ATP2B4: variants seen among roughly 807,000 people sequenced by gnomAD.
ATP2B4 encodes the protein plasma membrane calcium-transporting ATPase 4.
A neutral mutation model predicts 110.3 loss-of-function variants in ATP2B4; 39 were observed. That is an observed-to-expected ratio of 0.35 (90% CI 0.27 to 0.46). The LOEUF is 0.46. Among genes scored for constraint, ATP2B4 ranks in the 20% least tolerant of loss-of-function variants. The pLI, the probability that ATP2B4 is intolerant of heterozygous loss-of-function variation, is 1.00. For synonymous variants in ATP2B4, 538 were observed against 571.7 expected, an observed-to-expected ratio of 0.94 and a Z score of 0.84; for missense variants, 1,135 against 1,530.9, an observed-to-expected ratio of 0.74 and a Z score of 4.32.
rs748398150 is a variant in ATP2B4, at chr1:203,721,306, G to T, written c.2708G>T (p.Arg903Leu). The change falls in exon 17 of 21, where the codon CGC becomes CTC. Residue 903 changes from arginine (R) to leucine (L), a missense_variant. By Grantham distance (102) the Arg-to-Leu change is moderately radical. Around this residue, in one of 9 missense-constraint regions of ATP2B4, gnomAD observed 155 missense variants for 186.2 expected, o/e 0.83. Coordinates refer to ENST00000357681, the MANE Select transcript of ATP2B4 (RefSeq NM_001684.5). ...EPPTESLLKR[R>L]PYGRNKPLIS... ...CCTACGGAATCTCTGTTGAAGCGGCGCCCCTATGGCCGAAATAAGCCTCTG... is the reference window on the plus strand; with the variant it reads ...CCTACGGAATCTCTGTTGAAGCGGCTCCCCTATGGCCGAAATAAGCCTCTG... 6.2e-7 allele frequency: 1 copy of T among 1,614,048 alleles called. No homozygotes were observed. Among genetic ancestry groups the T allele is most frequent in the Admixed American group, 1.7e-5 (1 of 60,006 alleles).
chr1:203,658,391 C>CATGATG (rs1313248605), intron 1 of ATP2B4, among the ~76,000 whole-genome samples: 2 of 149,960 alleles, frequency 1.3e-5, no homozygotes, highest in Non-Finnish European at 3.0e-5. Flanking sequence ...AAAAGCCTGG[C>CATGATG]ATGATGATGC....
chr1:203,701,120 C>G (rs1055590892), intron 6 of ATP2B4, among the ~76,000 whole-genome samples, 197 bp downstream of exon 6: 4 of 151,816 alleles, frequency 2.6e-5, no homozygotes, highest in African/African-American at 9.7e-5. Context: ...GATCCTGGCT[C>G]TAGGCTCCCA....
intron 1 of ATP2B4, among the ~76,000 whole-genome samples, chr1:203,679,045 A>C (rs10900582): frequency 0.99 from 150,781 of 152,248 alleles, 74,684 homozygotes; most frequent in Middle Eastern, 1. Flanking sequence ...TGAGAGAGTT[A>C]GCTCTTCTAT....
chr1:203,682,161 C>T (rs962713481), intron 1 of ATP2B4, among the ~76,000 whole-genome samples: 4 of 152,136 alleles, frequency 2.6e-5, no homozygotes, highest in Non-Finnish European at 5.9e-5. Flanking sequence ...CATTTCCATA[C>T]ACCTGGAGGC....
intron 15 of ATP2B4, among the ~76,000 whole-genome samples, chr1:203,719,070 A>T (rs974736401): frequency 1.6e-4 from 25 of 151,976 alleles, no homozygotes; most frequent in Admixed American, 1.4e-3. Context: ...TAAAAAAAAT[A>T]AAAAATTAGC....
At chr1:203,657,120 A>G in intron 1 of ATP2B4, 2 of 821,856 alleles carry the variant, frequency 2.4e-6, no homozygotes, top group African/African-American at 1.7e-5. Flanking sequence ...TAACACCCAC[A>G]GTTGTATACG....
rs986817139 is a variant in ATP2B4, at chr1:203,739,638, T to G, written c.3402T>G (p.Pro1134=). ...QKSIHSFMTH[P]EFAIEEELPR... ...CCATCCACAGCTTCATGACCCACCC[T>G]GAATTCGCCATAGAGGAGGAGTTGC... Residue 1134 remains proline, a synonymous_variant, in exon 21 of 21, where the codon CCT becomes CCG. Transcript: ENST00000357681. 1.9e-6 allele frequency: 3 copies of G among 1,614,050 alleles called. No individual in the cohort carries two copies. The highest frequency in any genetic ancestry group is 2.5e-6 in the Non-Finnish European group (3 of 1,180,038).
intron 2 of ATP2B4, among the ~76,000 whole-genome samples, chr1:203,685,848 A>G (rs746825865): frequency 1.3e-5 from 2 of 152,218 alleles, no homozygotes; most frequent in East Asian, 1.9e-4. Flanking sequence ...TAGGTGTTCA[A>G]TAGATTAGTT....
chr1:203,676,884 C>T (rs1410194083), intron 1 of ATP2B4, among the ~76,000 whole-genome samples: 1 of 152,144 alleles, frequency 6.6e-6, no homozygotes, highest in African/African-American at 2.4e-5. Flanking sequence ...GAGTCTATCC[C>T]TATGCCTTCC....
rs1295299179 is a variant in ATP2B4 at position 203,626,922 on chromosome 1, A to G, written c.-762A>G. ...AAAGCTGGGGGCTGGGAGGGGGGGCACGAACTTCGTGGGGCACCATCCCTC... is the reference window on the plus strand; with the variant it reads ...AAAGCTGGGGGCTGGGAGGGGGGGCGCGAACTTCGTGGGGCACCATCCCTC... On this transcript the variant is annotated 5_prime_UTR_variant, in exon 1 of 21. Transcript: ENST00000357681. The G allele has an allele frequency of 1.3e-5, 2 of 152,372 alleles. No individual in the cohort carries two copies. Among genetic ancestry groups the G allele is most frequent in the African/African-American group, 4.8e-5 (2 of 41,472 alleles). The allele number at this position is 152,372 out of a possible 1,614,324, so 9.4% of individuals were successfully genotyped here. A position where few individuals can be genotyped will look rare whatever the true frequency, so the allele number is the denominator to read the frequency against.
At chr1:203,708,160 T>C in intron 10 of ATP2B4, 56 bp downstream of exon 10, 1 of 1,603,576 alleles carries the variant, frequency 6.2e-7, no homozygotes, top group South Asian at 1.1e-5. Context: ...GGAACATCCA[T>C]TTTCTCTGAA....
rs1666063908 is a variant in ATP2B4 at position 203,713,245 on chromosome 1, G to A, written c.2292G>A (p.Leu764=). The part of the protein sequence containing the change: ...ARSSPTDKHT[L]VKGIIDSTVG... The stretch of plus-strand genomic sequence containing the variant: ...CTTCTCCCACTGACAAGCACACCCT[G>A]GTGAAAGGTGAGGTTGGCTTCCAAA... The change falls in exon 14 of 21, where the codon CTG becomes CTA. Residue 764 remains leucine, a synonymous_variant. Transcript: ENST00000357681. 2 of 1,613,996 alleles carry A rather than the reference G, an allele frequency of 1.2e-6. No homozygotes were observed. The highest frequency in any genetic ancestry group is 1.1e-5 in the South Asian group (1 of 91,082).
chr1:203,638,048 T>C (rs1663511323), intron 1 of ATP2B4, among the ~76,000 whole-genome samples: 1 of 151,810 alleles, frequency 6.6e-6, no homozygotes, highest in East Asian at 1.9e-4. Context: ...TTGGCAGGGC[T>C]CAACTGGAAA....
intron 3 of ATP2B4, 70 bp downstream of exon 3, chr1:203,698,424 T>C: frequency 6.7e-7 from 1 of 1,491,700 alleles, no homozygotes; most frequent in Non-Finnish European, 9.3e-7. Flanking sequence ...AAGCGCTTAG[T>C]ATTGGTGGCT....
At position 203,699,473 on chromosome 1, in the gene ATP2B4, C is replaced by T. The variant is rs1292364319; in HGVS notation, c.405C>T (p.Val135=). The T allele has an allele frequency of 5.0e-6, 8 of 1,614,094 alleles. No homozygotes were observed. In the East Asian group the frequency reaches 1.3e-4, roughly 27 times the overall value. Residue 135 remains valine, a synonymous_variant, in exon 4 of 21, where the codon GTC becomes GTT. Transcript: ENST00000357681. ...AGEENELCGQ[V]ATTPEDENEA... Reference sequence around the variant, plus strand: ...TTCCTGGGATAGTGTGTGGTCAAGTCGCAACTACCCCAGAAGATGAAAATG... The same window carrying T: ...TTCCTGGGATAGTGTGTGGTCAAGTTGCAACTACCCCAGAAGATGAAAATG...
chr1:203,733,704 C>T (rs942230723), intron 20 of ATP2B4: 4 of 325,652 alleles, frequency 1.2e-5, no homozygotes, highest in Non-Finnish European at 1.1e-5. Flanking sequence ...TTTTGCTTTG[C>T]CTTTTTTGTT....
chr1:203,719,454 A>G (rs1461349633), intron 15 of ATP2B4, among the ~76,000 whole-genome samples: 2 of 151,984 alleles, frequency 1.3e-5, no homozygotes, highest in African/African-American at 4.8e-5. Flanking sequence ...ACATGACTAT[A>G]ATCCCAGCAC....
intron 2 of ATP2B4, among the ~76,000 whole-genome samples, chr1:203,695,167 T>C (rs1665496132): frequency 6.6e-6 from 1 of 152,208 alleles, no homozygotes; most frequent in Admixed American, 6.5e-5. Context: ...CTTTACATTG[T>C]GAATCCTGCT....
At chr1:203,713,574 C>T (rs530983661) in intron 14 of ATP2B4, among the ~76,000 whole-genome samples, 2 of 152,242 alleles carry the variant, frequency 1.3e-5, no homozygotes, top group Non-Finnish European at 1.5e-5. Context: ...AAGTGATTCT[C>T]CTGCCTCAGC....
Sources: allele counts gnomAD v4.1 joint callset (sites outside exome capture counted in the v4.1 genomes callset), GRCh38; gene constraint gnomAD v4.1.1; regional missense constraint gnomAD v4.1.1; transcripts MANE v1.5; gene names NCBI Gene and HGNC (gene_info 2026-07-23, HGNC 2026-07-21).